Variants in ADAMTS19 observed in about 807,000 individuals in gnomAD.
The protein encoded by ADAMTS19 is A disintegrin and metalloproteinase with thrombospondin motifs 19.
Under a neutral mutation model 153.3 loss-of-function variants are expected in ADAMTS19, and 93 were observed. The observed-to-expected ratio is 0.61, with a 90% CI of 0.51 to 0.72. The LOEUF is 0.72. Ranked by LOEUF, ADAMTS19 falls within the 30% of genes least tolerant of loss-of-function variation. ADAMTS19 has a pLI of 0.00. For missense variants in ADAMTS19, 1,482 were observed against 1,552.1 expected (o/e 0.95, Z 0.76); for synonymous variants, 600 against 556.6 (o/e 1.08, Z -1.10).
chr5:129,510,834 ATGT>A (rs1169870535), intron 3 of ADAMTS19, among the ~76,000 whole-genome samples: 1 of 148,822 alleles, frequency 6.7e-6, no homozygotes, highest in Non-Finnish European at 1.5e-5. Context: ...TGTTTGGCAA[ATGT>A]TGTGCATAAA....
intron 3 of ADAMTS19, among the ~76,000 whole-genome samples, chr5:129,519,134 C>T (rs955561146): frequency 2.0e-5 from 3 of 152,060 alleles, no homozygotes; most frequent in African/African-American, 7.2e-5. Flanking sequence ...CCAAAGTCCT[C>T]GATGTAGTAC....
intron 21 of ADAMTS19, among the ~76,000 whole-genome samples, chr5:129,708,425 T>A (rs2127175008): frequency 6.6e-6 from 1 of 152,142 alleles, no homozygotes; most frequent in South Asian, 2.1e-4. Context: ...AAATCTTCAT[T>A]CACTCATTTA....
At chr5:129,534,035 C>T (rs546287401) in intron 6 of ADAMTS19, among the ~76,000 whole-genome samples, 21 of 152,108 alleles carry the variant, frequency 1.4e-4, no homozygotes, top group Admixed American at 7.2e-4. Flanking sequence ...AATTTTGGAA[C>T]AGGTGTGGTG....
At chr5:129,714,647 G>A (rs1468881653) in intron 21 of ADAMTS19, among the ~76,000 whole-genome samples, 5 of 151,988 alleles carry the variant, frequency 3.3e-5, no homozygotes, top group Admixed American at 6.6e-5. Flanking sequence ...GTCCAATTGC[G>A]TTCACGTATC....
chr5:129,585,438 G>A (rs762387934), intron 7 of ADAMTS19, among the ~76,000 whole-genome samples: 9 of 151,828 alleles, frequency 5.9e-5, no homozygotes, highest in Non-Finnish European at 1.0e-4. Context: ...CATTTTTAAT[G>A]TGTTCTTTTT....
chr5:129,531,644 CA>C (rs946669257), intron 6 of ADAMTS19, among the ~76,000 whole-genome samples: 1 of 151,738 alleles, frequency 6.6e-6, no homozygotes, highest in Admixed American at 6.6e-5. Flanking sequence ...AACAAACAAA[CA>C]AAAAAACCCC....
intron 3 of ADAMTS19, among the ~76,000 whole-genome samples, chr5:129,518,899 TCTGA>T (rs2126743789): frequency 1.3e-5 from 2 of 152,282 alleles, no homozygotes; most frequent in Admixed American, 1.3e-4. Context: ...TTTTGTCTCT[TCTGA>T]CTGTGTGTTT....
Position 129,551,882 on chromosome 5 carries a change from C to A in ADAMTS19, c.1347C>A (p.His449Gln). The A allele has an allele frequency of 6.3e-7, 1 of 1,578,630 alleles. No individual in the cohort carries two copies. The highest frequency in any genetic ancestry group is 8.6e-7 in the Non-Finnish European group (1 of 1,164,396). ...TTTCTAGGAAAGATTTCTGTGTGCA[C>A]AAAGATGAACCATGTGATACTGTTG... ...ILITRKDFCV[H>Q]KDEPCDTVGI... is the part of the protein sequence containing the mutation. The change falls in exon 7 of 23, where the codon CAC (histidine) becomes CAA (glutamine). Residue 449 changes from histidine to glutamine, a missense_variant. Transcript: ENST00000274487.
intron 2 of ADAMTS19, among the ~76,000 whole-genome samples, chr5:129,464,133 C>T (rs1561526418): frequency 6.6e-6 from 1 of 152,160 alleles, no homozygotes; most frequent in Non-Finnish European, 1.5e-5. Flanking sequence ...AATGCAGGAC[C>T]TGTCAAGGGA....
chr5:129,608,814 T>G (rs1451239987), intron 8 of ADAMTS19, among the ~76,000 whole-genome samples: 1 of 135,602 alleles, frequency 7.4e-6, no homozygotes, highest in East Asian at 2.1e-4. Context: ...ACCACTGCAC[T>G]CCAGCCTGGT....
chr5:129,462,532 A>C (rs769976542), intron 2 of ADAMTS19, among the ~76,000 whole-genome samples: 4 of 151,944 alleles, frequency 2.6e-5, no homozygotes, highest in Non-Finnish European at 5.9e-5. Flanking sequence ...GTCAATGTAG[A>C]ACATCATTTG....
At chr5:129,529,396 T>C (rs1270381491) in intron 6 of ADAMTS19, among the ~76,000 whole-genome samples, 1 of 152,168 alleles carries the variant, frequency 6.6e-6, no homozygotes. Context: ...TCATTGTAGT[T>C]TCTTGTAATT....
chr5:129,612,337 G>A (rs1329544245), intron 8 of ADAMTS19, among the ~76,000 whole-genome samples: 1 of 151,780 alleles, frequency 6.6e-6, no homozygotes, highest in Non-Finnish European at 1.5e-5. Flanking sequence ...GTATTCCATG[G>A]TGTATATGTG....
chr5:129,504,872 G>GACACACACACACACACAC (rs34742030), intron 2 of ADAMTS19, among the ~76,000 whole-genome samples: 64 of 148,220 alleles, frequency 4.3e-4, no homozygotes, highest in East Asian at 3.4e-3. Flanking sequence ...CACACACACA[G>GACACACACACACACACAC]ACACACACAC....
intron 7 of ADAMTS19, among the ~76,000 whole-genome samples, chr5:129,573,521 C>A (rs1370655628): frequency 6.6e-6 from 1 of 152,036 alleles, no homozygotes; most frequent in South Asian, 2.1e-4. Context: ...GTCTCTTCAG[C>A]ACATAGCATA....
intron 14 of ADAMTS19, among the ~76,000 whole-genome samples, chr5:129,657,662 G>A (rs756420885): frequency 6.6e-6 from 1 of 152,198 alleles, no homozygotes; most frequent in Non-Finnish European, 1.5e-5. Context: ...TAGGTTGTGA[G>A]GAGTTCTTAC....
chr5:129,525,375 G>T (rs1475287028), intron 3 of ADAMTS19, among the ~76,000 whole-genome samples: 1 of 151,836 alleles, frequency 6.6e-6, no homozygotes, highest in Admixed American at 6.6e-5. Context: ...ATGTATTTTG[G>T]TTTTAATTTG....
intron 21 of ADAMTS19, among the ~76,000 whole-genome samples, chr5:129,713,151 C>T (rs1196828037): frequency 6.6e-6 from 1 of 152,168 alleles, no homozygotes; most frequent in Non-Finnish European, 1.5e-5. Context: ...AAGGATGGAG[C>T]ATACATGCTA....
chr5:129,542,260 T>A (rs1000928168), intron 6 of ADAMTS19, among the ~76,000 whole-genome samples: 2 of 152,196 alleles, frequency 1.3e-5, no homozygotes, highest in African/African-American at 4.8e-5. Context: ...CTATATTATC[T>A]CTTTTCCATC....
Sources: allele counts gnomAD v4.1 joint callset (sites outside exome capture counted in the v4.1 genomes callset), GRCh38; gene constraint gnomAD v4.1.1; transcripts MANE v1.5; gene names NCBI Gene and HGNC (gene_info 2026-07-23, HGNC 2026-07-21).